The following ZNF236 variants were observed in gnomAD, a reference collection of about 807,000 sequenced individuals.
The protein encoded by ZNF236 is zinc finger protein 236.
In ZNF236, 50 loss-of-function variants were observed where a neutral mutation model predicts 191.2. The observed-to-expected ratio is 0.26, with a 90% CI of 0.21 to 0.33. The LOEUF (loss-of-function observed/expected upper bound fraction) is 0.33, where lower values mean the gene tolerates loss of function less well. ZNF236 is among the 10% of genes least tolerant of loss of function. ZNF236 has a pLI of 1.00. For synonymous variants in ZNF236, 907 were observed against 928.8 expected (o/e 0.98, Z 0.43); for missense variants, 1,754 against 2,374.5 (o/e 0.74, Z 5.43).
chr18:76,871,199 A>G (rs1031843553), intron 4 of ZNF236, among the ~76,000 whole-genome samples: 2 of 152,210 alleles, frequency 1.3e-5, no homozygotes, highest in South Asian at 4.1e-4. Flanking sequence ...TTGGGAATCA[A>G]TGAAGAGTTC....
Position 76,892,013 on chromosome 18 carries a change from C to T in ZNF236, c.1418-3000C>T, listed in dbSNP as rs76536269. Among the ~76,000 whole-genome samples the T allele has an allele frequency of 2.3e-3, 353 of 151,896 alleles. 1 individual carries two copies. The highest frequency in any genetic ancestry group is 7.9e-3 in the African/African-American group (327 of 41,462). On this transcript the variant is annotated intron_variant, in intron 9 of 30. Coordinates refer to ENST00000320610, the MANE Select transcript of ZNF236 (RefSeq NM_001306089.2). ...GCTAAAGTTCCAAAAACTTTAGTTC[C>T]AAAAAACAATCTTATTGGTATTTGT...
chr18:76,947,378 TG>T, intron 26 of ZNF236, 142 bp from the exon 27 acceptor site: 2 of 967,468 alleles, frequency 2.1e-6, no homozygotes, highest in Non-Finnish European at 3.0e-6. Flanking sequence ...CTTGGGTTGC[TG>T]GGTTACATGG....
intron 26 of ZNF236, among the ~76,000 whole-genome samples, chr18:76,943,939 A>T (rs1239914819): frequency 6.6e-6 from 1 of 152,234 alleles, no homozygotes; most frequent in Non-Finnish European, 1.5e-5. Flanking sequence ...AATATTTCTA[A>T]TGAAATTGTA....
chr18:76,883,797 A>G (rs1976968638), intron 9 of ZNF236, among the ~76,000 whole-genome samples: 1 of 152,182 alleles, frequency 6.6e-6, no homozygotes, highest in Non-Finnish European at 1.5e-5. Context: ...TACTTTTAAC[A>G]TAGTGATTAT....
At chr18:76,844,194 C>T (rs1257249934) in intron 1 of ZNF236, among the ~76,000 whole-genome samples, 1 of 149,636 alleles carries the variant, frequency 6.7e-6, no homozygotes, top group Non-Finnish European at 1.5e-5. Context: ...GAGTGGAGAT[C>T]ACACCAGTGA....
intron 1 of ZNF236, chr18:76,824,154 G>A: frequency 1.7e-6 from 1 of 599,408 alleles, no homozygotes; most frequent in Non-Finnish European, 3.0e-6. Flanking sequence ...CCCAGAGAAA[G>A]GTCGGGCCTG....
At chr18:76,859,557 G>T (rs974470236) in intron 3 of ZNF236, among the ~76,000 whole-genome samples, 12 of 152,142 alleles carry the variant, frequency 7.9e-5, no homozygotes, top group Non-Finnish European at 1.5e-4. Flanking sequence ...TTCGTACATT[G>T]ATTTTGGAGT....
intron 19 of ZNF236, among the ~76,000 whole-genome samples, chr18:76,917,084 C>A (rs571253910): frequency 1.2e-4 from 18 of 152,298 alleles, no homozygotes; most frequent in South Asian, 4.1e-4. Context: ...ATTGCCAGAG[C>A]CATTGTGCAC....
At chr18:76,822,944 C>T (rs1332778480) in intron 1 of ZNF236, among the ~76,000 whole-genome samples, 2 of 144,912 alleles carry the variant, frequency 1.4e-5, no homozygotes, top group East Asian at 2.1e-4. Context: ...GAGCAGGCGG[C>T]CGCCTCCTGC....
At chr18:76,857,330 G>T (rs1599336920) in intron 3 of ZNF236, among the ~76,000 whole-genome samples, 2 of 118,852 alleles carry the variant, frequency 1.7e-5, no homozygotes, top group African/African-American at 7.0e-5. Context: ...AGCCCTCAGG[G>T]TTCCACATTT....
chr18:76,937,371 AG>A (rs1968030725), intron 26 of ZNF236, 28 bp downstream of exon 26: 2 of 1,531,922 alleles, frequency 1.3e-6, no homozygotes, highest in South Asian at 2.5e-5. Flanking sequence ...AGGGATGCGA[AG>A]GTCCTTTCAA....
At chr18:76,827,893 G>A (rs544940564) in intron 1 of ZNF236, among the ~76,000 whole-genome samples, 145 of 152,218 alleles carry the variant, frequency 9.5e-4, no homozygotes, top group African/African-American at 3.4e-3. Context: ...AATCTTGTAT[G>A]ATTTCCATCT....
In ZNF236 at chr18:76,972,617, A is replaced by G. The variant is rs934726955; in HGVS notation, c.*4278A>G. Among the ~76,000 whole-genome samples the G allele has an allele frequency of 6.6e-6, 1 of 152,240 alleles. No homozygotes were observed. The highest frequency in any genetic ancestry group is 1.5e-5 in the Non-Finnish European group (1 of 68,036). ...TTCTATTTAATCTTTTATGTGTAAC[A>G]CTTTACAGCATGAAGACGTATTCTA... is the stretch of plus-strand genomic sequence containing the variant. On this transcript the variant is annotated 3_prime_UTR_variant, in exon 31 of 31. Transcript: ENST00000320610.
chr18:76,952,374 A>T (rs1968429940), intron 27 of ZNF236, among the ~76,000 whole-genome samples: 1 of 152,224 alleles, frequency 6.6e-6, no homozygotes, highest in South Asian at 2.1e-4. Flanking sequence ...ATTTCATCCT[A>T]ATGCTTTCTT....
chr18:76,942,012 AT>A (rs1968144377), intron 26 of ZNF236, among the ~76,000 whole-genome samples: 1 of 152,210 alleles, frequency 6.6e-6, no homozygotes, highest in African/African-American at 2.4e-5. Flanking sequence ...TTGTCAAGAG[AT>A]TAATGAACCT....
chr18:76,942,783 G>A (rs1358489000), intron 26 of ZNF236, among the ~76,000 whole-genome samples: 1 of 150,690 alleles, frequency 6.6e-6, no homozygotes, highest in East Asian at 2.0e-4. Context: ...CAAAGTGCTG[G>A]GATTACAGGC....
intron 3 of ZNF236, among the ~76,000 whole-genome samples, chr18:76,867,316 TA>T (rs1256552891): frequency 1.3e-5 from 2 of 151,484 alleles, no homozygotes; most frequent in Non-Finnish European, 2.9e-5. Flanking sequence ...AACAAGTCAC[TA>T]AAAATTTAGT....
chr18:76,831,769 A>G (rs948120415), intron 1 of ZNF236, among the ~76,000 whole-genome samples: 4 of 152,128 alleles, frequency 2.6e-5, no homozygotes, highest in African/African-American at 9.7e-5. Flanking sequence ...TTAATTTGCA[A>G]TTTCCATCGT....
At position 76,871,691 on chromosome 18, in the gene ZNF236, AT is replaced by A. The variant is rs1230429487; in HGVS notation, c.543-8del. Reference sequence around the variant, plus strand: ...CTTACTGTGTATTTTGCCCCCCTTTATTACACTAGGGTATCAAGTACAAGGT... The same window carrying A: ...CTTACTGTGTATTTTGCCCCCCTTTATACACTAGGGTATCAAGTACAAGGT... On this transcript the variant is annotated splice_polypyrimidine_tract_variant and intron_variant, in intron 4 of 30. Transcript: ENST00000320610. The A allele has an allele frequency of 3.1e-6, 5 of 1,613,786 alleles. No homozygotes were observed. Among genetic ancestry groups the A allele is most frequent in the Non-Finnish European group, 4.2e-6 (5 of 1,179,888 alleles).
Sources: allele counts gnomAD v4.1 joint callset (sites outside exome capture counted in the v4.1 genomes callset), GRCh38; gene constraint gnomAD v4.1.1; transcripts MANE v1.5; gene names NCBI Gene and HGNC (gene_info 2026-07-23, HGNC 2026-07-21).